The following TSACC variants were observed in gnomAD, a reference collection of about 807,000 sequenced individuals.
TSACC encodes the protein TSSK6 activating cochaperone, also known as TSSK6-activating co-chaperone protein.
In TSACC, 3 loss-of-function variants were observed where a neutral mutation model predicts 6.9. That is an observed-to-expected ratio of 0.43 (90% CI 0.20 to 1.12). The LOEUF (loss-of-function observed/expected upper bound fraction) is 1.12, where lower values mean the gene tolerates loss of function less well. Ranked by LOEUF, TSACC falls within the 50% of genes most tolerant of loss-of-function variation. The probability of loss-of-function intolerance (pLI) is 0.28; values close to 1 mark genes in which losing one functional copy is unlikely to be tolerated. For synonymous variants in TSACC, 54 were observed against 55.1 expected (o/e 0.98, Z 0.09); for missense variants, 137 against 143.9 (o/e 0.95, Z 0.24).
intron 3 of TSACC, among the ~76,000 whole-genome samples, chr1:156,345,457 G>A (rs1666115152): frequency 6.6e-6 from 1 of 152,040 alleles, no homozygotes; most frequent in Non-Finnish European, 1.5e-5. Flanking sequence ...CAGCTGCTTA[G>A]GAGGCCGAGG....
At chr1:156,338,116 G>A, upstream of TSACC, 1 of 1,570,232 alleles carries the variant, frequency 6.4e-7, no homozygotes, top group Non-Finnish European at 8.6e-7. Context: ...AGAAGAGGGC[G>A]AAAAGGGGGT....
upstream of TSACC, chr1:156,338,144 C>A: frequency 6.3e-7 from 1 of 1,584,180 alleles, no homozygotes. Flanking sequence ...CTGGCATCCC[C>A]AGAACTCACT....
rs776503729 is a variant in TSACC, at chr1:156,346,897, C to T, written c.293C>T (p.Ala98Val). 2 of 1,614,200 alleles carry T rather than the reference C, an allele frequency of 1.2e-6. No homozygotes were observed. Among genetic ancestry groups the T allele is most frequent in the Admixed American group, 3.3e-5 (2 of 60,024 alleles). ...EHLQASVTQL[A>V]PGRGSNNSSL... ...TTACAGGCATCTGTGACACAACTGG[C>T]TCCTGGGAGGGGAAGCAATAACTCT... Residue 98 changes from alanine (A) to valine (V), a missense_variant, in exon 4 of 4, where the codon GCT (alanine) becomes GTT (valine). By Grantham distance (64) the Ala-to-Val change is moderately conservative (BLOSUM62 0). Transcript: ENST00000368254.
intron 2 of TSACC, among the ~76,000 whole-genome samples, chr1:156,341,678 C>G (rs1030294006): frequency 6.6e-6 from 1 of 152,174 alleles, no homozygotes; most frequent in African/African-American, 2.4e-5. Context: ...GTAAAGCAGT[C>G]TCTTTCTTTA....
At chr1:156,342,864 C>T (rs1330106706) in intron 2 of TSACC, among the ~76,000 whole-genome samples, 2 of 152,180 alleles carry the variant, frequency 1.3e-5, no homozygotes, top group African/African-American at 4.8e-5. Flanking sequence ...TTTTACCATC[C>T]TTTCTTGATT....
At chr1:156,339,175 A>C (rs1031940006) in intron 1 of TSACC, among the ~76,000 whole-genome samples, 9 of 152,046 alleles carry the variant, frequency 5.9e-5, no homozygotes, top group Non-Finnish European at 1.0e-4. Flanking sequence ...GAGGCAGGAG[A>C]ATCGCTTGAA....
rs185829126 is a variant in TSACC, at chr1:156,345,473, G to A, written c.163+765G>A. Among the ~76,000 whole-genome samples the A allele has an allele frequency of 2.9e-3, 445 of 152,254 alleles. 2 individuals carry two copies. The highest frequency in any genetic ancestry group is 0.01 in the African/African-American group (418 of 41,534). On this transcript the variant is annotated intron_variant, in intron 3 of 3. Transcript: ENST00000368254. ...AGCTGCTTAGGAGGCCGAGGCAGGA[G>A]AATTGCTTGAACCTGGGAGGCGGAG... is the stretch of plus-strand genomic sequence containing the variant.
chr1:156,342,286 T>G (rs1288655599), intron 2 of TSACC, among the ~76,000 whole-genome samples: 1 of 152,140 alleles, frequency 6.6e-6, no homozygotes, highest in African/African-American at 2.4e-5. Context: ...GAAAAGAAGA[T>G]GGATGACCTA....
upstream of TSACC, chr1:156,337,628 A>T (rs1665475971): frequency 3.0e-5 from 5 of 166,798 alleles, no homozygotes; most frequent in South Asian, 6.4e-4. Flanking sequence ...AAAGTGACCA[A>T]GGATATTACC....
upstream of TSACC, chr1:156,338,419 G>A: frequency 1.7e-6 from 1 of 581,810 alleles, no homozygotes; most frequent in Non-Finnish European, 3.1e-6. Context: ...AAGTTAGACA[G>A]AGAGCGCACG....
intron 2 of TSACC, among the ~76,000 whole-genome samples, chr1:156,341,130 T>C (rs1023875771): frequency 3.9e-5 from 6 of 152,222 alleles, no homozygotes; most frequent in African/African-American, 7.2e-5. Flanking sequence ...TTACCACTTA[T>C]TTAATGCTCA....
chr1:156,338,472 G>T (rs1665572531), upstream of TSACC: 2 of 529,796 alleles, frequency 3.8e-6, no homozygotes, highest in Non-Finnish European at 6.8e-6. Context: ...CAGTAGGGTG[G>T]CCGCTCCCGG....
chr1:156,339,771 C>A lies in TSACC; in HGVS notation c.14C>A (p.Thr5Asn). 2 of 1,614,172 alleles carry A rather than the reference C, an allele frequency of 1.2e-6. No homozygotes were observed. Among genetic ancestry groups the A allele is most frequent in the Non-Finnish European group, 1.7e-6 (2 of 1,180,006 alleles). The change falls in exon 2 of 4, where the codon ACT becomes AAT. Residue 5 changes from threonine to asparagine, a missense_variant. Transcript: ENST00000368254. ...GTTGGTGTTCAGATGGAGCGGCACACTAGTCATCCTAACAGAAAAGGTGTG... is the reference window on the plus strand; with the variant it reads ...GTTGGTGTTCAGATGGAGCGGCACAATAGTCATCCTAACAGAAAAGGTGTG... MERH[T>N]SHPNRKVPAK...
chr1:156,340,397 G>T (rs554927758), intron 2 of TSACC, among the ~76,000 whole-genome samples: 8 of 151,492 alleles, frequency 5.3e-5, no homozygotes, highest in African/African-American at 1.9e-4. Context: ...CTGACCTTGT[G>T]ATCCAACTGC....
At position 156,346,055 on chromosome 1, in the gene TSACC, A is replaced by G. The variant is rs529307467; in HGVS notation, c.164-713A>G. Among the ~76,000 whole-genome samples, 26 of 151,736 alleles carry G rather than the reference A, an allele frequency of 1.7e-4. No homozygotes were observed. The Middle Eastern group carries it at 0.01, about 60-fold the overall frequency. ...CTAATGATACAAAACTTAGCCAGGC[A>G]TGGTGGCACATGACTGTAATCCCAG... is the stretch of plus-strand genomic sequence containing the variant. On this transcript the variant is annotated intron_variant, in intron 3 of 3. Transcript: ENST00000368254.
At chr1:156,338,384 G>A (rs775561199), upstream of TSACC, 232 of 586,076 alleles carry the variant, frequency 4.0e-4, no homozygotes, top group Non-Finnish European at 5.9e-4. Flanking sequence ...CCTTAGTCCC[G>A]CCCCCTACGC....
Position 156,346,784 on chromosome 1 carries a change from G to T in TSACC, c.180G>T (p.Lys60Asn). The stretch of plus-strand genomic sequence containing the variant: ...CTTCTGGAGTTGATCACAAGCCCAA[G>T]GAATGCCTAGGACTCCTGGAATGTA... ...TKLPSVDHKP[K>N]ECLGLLECMY... Residue 60 changes from lysine (K) to asparagine (N), a missense_variant, in exon 4 of 4, where the codon AAG becomes AAT. Physicochemically the swap from Lys to Asn is moderately conservative, Grantham distance 94. Coordinates refer to ENST00000368254, the MANE Select transcript of TSACC (RefSeq NM_001304817.2). The T allele has an allele frequency of 6.2e-7, 1 of 1,614,114 alleles. No individual in the cohort carries two copies.
intron 2 of TSACC, 65 bp downstream of exon 2, chr1:156,339,856 A>C: frequency 6.4e-7 from 1 of 1,566,342 alleles, no homozygotes; most frequent in Non-Finnish European, 8.8e-7. Context: ...TTCCCCACTA[A>C]ATGGGAGCAT....
upstream of TSACC, chr1:156,338,273 G>T: frequency 7.3e-7 from 1 of 1,377,006 alleles, no homozygotes; most frequent in Non-Finnish European, 1.0e-6. Context: ...CCCAGAAAAC[G>T]CTGCCTCCTC....
Sources: gnomAD v4.1 joint callset for allele counts (sites outside exome capture counted in the v4.1 genomes callset) on GRCh38, gnomAD v4.1.1 for gene constraint, MANE v1.5 for transcripts, NCBI Gene and HGNC (gene_info 2026-07-23, HGNC 2026-07-21) for gene names.